ZC3H12B: variants seen among roughly 807,000 people sequenced by gnomAD.
The protein encoded by ZC3H12B is zinc finger CCCH-type containing 12B.
Under a neutral mutation model 43.9 loss-of-function variants are expected in ZC3H12B, and 7 were observed. The observed-to-expected ratio is 0.16, with a 90% CI of 0.09 to 0.30. The LOEUF (loss-of-function observed/expected upper bound fraction) is 0.30, where lower values mean the gene tolerates loss of function less well. Ranked by LOEUF, ZC3H12B falls within the 10% of genes least tolerant of loss-of-function variation. The pLI, the probability that ZC3H12B is intolerant of heterozygous loss-of-function variation, is 1.00. For synonymous variants in ZC3H12B, 222 were observed against 241.7 expected, an observed-to-expected ratio of 0.92 and a Z score of 0.76; for missense variants, 475 against 670.2, an observed-to-expected ratio of 0.71 and a Z score of 3.22.
At chrX:65,383,297 C>T (rs992499740) in intron 2 of ZC3H12B, among the ~76,000 whole-genome samples, 5 of 111,473 alleles carry the variant, frequency 4.5e-5, no homozygotes, top group East Asian at 2.8e-4. Context: ...GAATTAATGC[C>T]GCATATCTAC....
At chrX:65,055,089 C>T in the ZC3H12B span, among the ~76,000 whole-genome samples, 1 of 111,180 alleles carries the variant, frequency 9.0e-6, no homozygotes, top group Admixed American at 9.6e-5. Flanking sequence ...CCTTCTCCTG[C>T]CTGATTGCGC....
At chrX:65,214,791 C>T in the ZC3H12B span, among the ~76,000 whole-genome samples, 14 of 111,555 alleles carry the variant, frequency 1.3e-4, no homozygotes, top group Non-Finnish European at 2.3e-4. Context: ...TTTAATTTAT[C>T]AAGGTGCATC....
the ZC3H12B span, among the ~76,000 whole-genome samples, chrX:65,056,866 G>T: frequency 1.2e-4 from 13 of 111,596 alleles, no homozygotes; most frequent in Non-Finnish European, 2.1e-4. Flanking sequence ...CTTTTGATCT[G>T]TGTTGGTTTA....
the ZC3H12B span, among the ~76,000 whole-genome samples, chrX:65,162,443 T>C: frequency 1.8e-5 from 2 of 112,014 alleles, no homozygotes; most frequent in African/African-American, 6.5e-5. Context: ...AAGTCCCTTA[T>C]TTCCTGGAGG....
At chrX:65,384,032 G>T (rs767986483) in intron 2 of ZC3H12B, among the ~76,000 whole-genome samples, 1,632 of 97,690 alleles carry the variant, frequency 0.017, 19 homozygotes, top group Non-Finnish European at 0.025. Context: ...TATACCCAAA[G>T]GACTATAAAT....
the ZC3H12B span, among the ~76,000 whole-genome samples, chrX:65,196,135 G>A: frequency 2.9e-5 from 1 of 34,569 alleles, no homozygotes; most frequent in East Asian, 8.8e-4. Flanking sequence ...CCCACCCCCC[G>A]CAGCTAGTGC....
the ZC3H12B span, among the ~76,000 whole-genome samples, chrX:65,117,937 C>T: frequency 9.0e-6 from 1 of 110,834 alleles, no homozygotes; most frequent in Non-Finnish European, 1.9e-5. Flanking sequence ...GTTTTTGTAC[C>T]AGTACCATGC....
At chrX:65,103,992 G>A in the ZC3H12B span, among the ~76,000 whole-genome samples, 18 of 111,517 alleles carry the variant, frequency 1.6e-4, no homozygotes, top group Admixed American at 5.7e-4. Flanking sequence ...CAAAGCTGGA[G>A]GTATCATGCT....
the ZC3H12B span, among the ~76,000 whole-genome samples, chrX:65,136,026 T>C: frequency 8.9e-6 from 1 of 111,907 alleles, no homozygotes; most frequent in Admixed American, 9.5e-5. Context: ...CTCTATTTTC[T>C]GAGTGTTGTC....
the ZC3H12B span, among the ~76,000 whole-genome samples, chrX:65,111,165 A>T: frequency 9.0e-6 from 1 of 111,070 alleles, no homozygotes; most frequent in Non-Finnish European, 1.9e-5. Context: ...ACGGTATATC[A>T]TCTGCTAATA....
chrX:65,222,235 T>A, the ZC3H12B span, among the ~76,000 whole-genome samples: 1 of 111,190 alleles, frequency 9.0e-6, no homozygotes, highest in Non-Finnish European at 1.9e-5. Context: ...AAATCCACAG[T>A]TAACATGATT....
chrX:65,134,688 C>T, the ZC3H12B span, among the ~76,000 whole-genome samples: 1 of 111,528 alleles, frequency 9.0e-6, no homozygotes, highest in African/African-American at 3.3e-5. Context: ...AAGGAGTCCT[C>T]CTGTCCCGAG....
At chrX:65,256,150 T>A in the ZC3H12B span, among the ~76,000 whole-genome samples, 1 of 111,930 alleles carries the variant, frequency 8.9e-6, no homozygotes, top group Non-Finnish European at 1.9e-5. Context: ...CTAACAAAGA[T>A]ATTTGGGACC....
In ZC3H12B at chrX:65,388,859, C is replaced by G. The variant is rs185179135; in HGVS notation, n.296-9734C>G. Among the ~76,000 whole-genome samples, 344 of 111,862 alleles carry G rather than the reference C, an allele frequency of 3.1e-3. 2 individuals carry two copies. Among genetic ancestry groups the G allele is most frequent in the African/African-American group, 0.011 (324 of 30,842 alleles). On this transcript the variant is annotated intron_variant and non_coding_transcript_variant, in intron 2 of 5. Transcript: ENST00000617377. ...TTCTGTTAGTTTTCCTTCTAACAGA[C>G]AGGACCCTCAGCTGCAGGTCTGTTG...
At chrX:65,226,044 A>G in the ZC3H12B span, among the ~76,000 whole-genome samples, 1 of 111,398 alleles carries the variant, frequency 9.0e-6, no homozygotes, top group African/African-American at 3.3e-5. Flanking sequence ...GATGCTCCTC[A>G]AGAAGAGCAA....
At chrX:65,427,398 G>A (rs1315697804) in intron 3 of ZC3H12B, among the ~76,000 whole-genome samples, 1 of 110,805 alleles carries the variant, frequency 9.0e-6, no homozygotes, top group Admixed American at 9.6e-5. Context: ...GTATAATCTT[G>A]TTTTACTTAA....
rs7889632 is a variant in ZC3H12B at position 65,386,075 on chromosome X, A to G, written n.296-12518A>G. ...TATTTTATTGAAGATTTGTGCATTG[A>G]TATTCATCAGGGGTATTGGTCTAAA... is the stretch of plus-strand genomic sequence containing the variant. On this transcript the variant is annotated intron_variant and non_coding_transcript_variant, in intron 2 of 5. Transcript: ENST00000617377. Among the ~76,000 whole-genome samples, 18 of 112,006 alleles carry G rather than the reference A, an allele frequency of 1.6e-4. 1 individual carries two copies. The highest frequency in any genetic ancestry group is 5.2e-4 in the African/African-American group (16 of 30,759).
At chrX:65,331,201 G>A in the ZC3H12B span, 1 of 146,743 alleles carries the variant, frequency 6.8e-6, no homozygotes, top group African/African-American at 3.2e-5. Flanking sequence ...CACCCTCCTG[G>A]AGTTTAGGCT....
chrX:65,474,977 G>A (rs2067973539), intron 3 of ZC3H12B, among the ~76,000 whole-genome samples: 1 of 111,992 alleles, frequency 8.9e-6, no homozygotes, highest in Admixed American at 9.5e-5. Context: ...TCTTTTGTGT[G>A]TCTATTAAAG....
Sources: gnomAD v4.1 joint callset for allele counts (sites outside exome capture counted in the v4.1 genomes callset) on GRCh38, gnomAD v4.1.1 for gene constraint, MANE v1.5 for transcripts, NCBI Gene and HGNC (gene_info 2026-07-23, HGNC 2026-07-21) for gene names.